Variants in HDAC4 observed in about 807,000 individuals in gnomAD.
The protein encoded by HDAC4 is histone deacetylase 4, also known as histone deacetylase A.
In HDAC4, 16 loss-of-function variants were observed where a neutral mutation model predicts 135.1. The observed-to-expected ratio is 0.12, with a 90% confidence interval of 0.08 to 0.18. The LOEUF is 0.18. Ranked by LOEUF, HDAC4 falls within the 10% of genes least tolerant of loss-of-function variation. The pLI is 1.00. For synonymous variants in HDAC4, 685 were observed against 653.4 expected, an observed-to-expected ratio of 1.05 and a Z score of -0.74; for missense variants, 1,143 against 1,511.8, an observed-to-expected ratio of 0.76 and a Z score of 4.05.
chr2:239,160,806 C>T (rs542997728), intron 6 of HDAC4, among the ~76,000 whole-genome samples: 25 of 152,368 alleles, frequency 1.6e-4, no homozygotes. Context: ...TGCTTGCTTT[C>T]ATGTCTTGGG....
chr2:239,127,852 G>A (rs1317197318), intron 11 of HDAC4, among the ~76,000 whole-genome samples: 2 of 152,228 alleles, frequency 1.3e-5, no homozygotes, highest in Admixed American at 1.3e-4. Flanking sequence ...CCAGGACACT[G>A]ATGCCAGGGC....
intron 3 of HDAC4, among the ~76,000 whole-genome samples, chr2:239,217,776 CA>C (rs1431358335): frequency 4.6e-5 from 7 of 152,122 alleles, no homozygotes; most frequent in African/African-American, 1.2e-4. Flanking sequence ...AAATAGGAAA[CA>C]AAACAAGAAG....
chr2:239,307,084 C>T lies in HDAC4; in HGVS notation c.22+45594G>A, dbSNP rs981431250. On this transcript the variant is annotated intron_variant, in intron 2 of 26. Transcript: ENST00000543185. The surrounding 1 kb of genome is among the most constrained non-coding windows in gnomAD (Gnocchi z 4.8). ...CTCTGGTGAGCCCAGAGGCCCGAGT[C>T]GTCCGGATGGCCCATCTCAGGCCAC... 1.3e-5 allele frequency among the ~76,000 whole-genome samples: 2 copies of T among 152,100 alleles called. No homozygotes were observed. The highest frequency in any genetic ancestry group is 3.9e-4 in the East Asian group (2 of 5,152).
intron 17 of HDAC4, chr2:239,094,776 C>A (rs927074019): frequency 4.2e-5 from 59 of 1,392,248 alleles, no homozygotes; most frequent in Non-Finnish European, 5.2e-5. Context: ...AGCCACTGCA[C>A]CCCAGAGCCC....
At chr2:239,273,237 C>G (rs1468161294) in intron 2 of HDAC4, among the ~76,000 whole-genome samples, 1 of 152,140 alleles carries the variant, frequency 6.6e-6, no homozygotes, top group East Asian at 1.9e-4. Context: ...GCCAACTCCA[C>G]AGGGCCTCGT....
intron 3 of HDAC4, among the ~76,000 whole-genome samples, chr2:239,190,372 G>A (rs964269683): frequency 3.9e-5 from 6 of 152,212 alleles, no homozygotes; most frequent in Admixed American, 1.3e-4. Context: ...CCGGGAGGCC[G>A]GCTCTCAGAG....
rs532250083 is a variant in HDAC4, at chr2:239,157,613, A to G, written c.612-840T>C. Among the ~76,000 whole-genome samples the G allele has an allele frequency of 4.5e-4, 69 of 152,320 alleles. No homozygotes were observed. In the South Asian group the frequency reaches 0.014, roughly 30 times the overall value. On this transcript the variant is annotated intron_variant, in intron 6 of 26. Transcript: ENST00000543185. ...CACTGACAGCTCAGTCTTGCTCAAA[A>G]CACTGTGCTGAGTGGAATAAATTCT...
At chr2:239,341,026 C>T (rs991336596) in intron 2 of HDAC4, among the ~76,000 whole-genome samples, 4 of 152,228 alleles carry the variant, frequency 2.6e-5, no homozygotes, top group Admixed American at 6.5e-5. Flanking sequence ...GCTTTCAACA[C>T]GTACAATGCA....
At position 239,245,154 on chromosome 2, in the gene HDAC4, C is replaced by T. The variant is rs1026137630; in HGVS notation, c.23-8490G>A. ...AGCAATATTTTTCCTTCAGGGTAAT[C>T]AGGCAGTCTTAAAATGTCAAGGATA... On this transcript the variant is annotated intron_variant, in intron 2 of 26. Coordinates refer to ENST00000543185, the MANE Select transcript of HDAC4 (RefSeq NM_001378414.1). This position sits in a 1 kb window ranked among gnomAD's most constrained non-coding sequence, Gnocchi z 4.4. Among the ~76,000 whole-genome samples the T allele has an allele frequency of 4.6e-5, 7 of 152,158 alleles. No homozygotes were observed. The highest frequency in any genetic ancestry group is 6.5e-5 in the Admixed American group (1 of 15,278).
chr2:239,288,155 T>G (rs75512196), intron 2 of HDAC4, among the ~76,000 whole-genome samples: 163 of 151,650 alleles, frequency 1.1e-3, no homozygotes, highest in African/African-American at 3.8e-3. Flanking sequence ...TAGCAAAGTA[T>G]GAAAATGACA....
intron 8 of HDAC4, among the ~76,000 whole-genome samples, chr2:239,142,512 G>A (rs2041452736): frequency 6.6e-6 from 1 of 152,246 alleles, no homozygotes; most frequent in Non-Finnish European, 1.5e-5. Flanking sequence ...GCCACCTTCT[G>A]CAGAGCTCTG....
At chr2:239,280,718 G>A (rs1174972257) in intron 2 of HDAC4, among the ~76,000 whole-genome samples, 1 of 152,068 alleles carries the variant, frequency 6.6e-6, no homozygotes, top group East Asian at 1.9e-4. Flanking sequence ...CTCCATCCAA[G>A]TCTTGTCCCC....
At chr2:239,102,134 G>A (rs1278625584) in intron 16 of HDAC4, among the ~76,000 whole-genome samples, 1 of 149,378 alleles carries the variant, frequency 6.7e-6, no homozygotes, top group Admixed American at 6.6e-5. Flanking sequence ...CCCCGGCCCG[G>A]GGTCTGGGTT....
At chr2:239,223,481 T>C (rs904509540) in intron 3 of HDAC4, among the ~76,000 whole-genome samples, 12 of 152,170 alleles carry the variant, frequency 7.9e-5, no homozygotes, top group Middle Eastern at 3.2e-3. Context: ...TGGTTCAGAC[T>C]TCTGTCCAGA....
intron 4 of HDAC4, among the ~76,000 whole-genome samples, chr2:239,179,642 G>A (rs897884944): frequency 1.3e-5 from 2 of 152,194 alleles, no homozygotes; most frequent in Non-Finnish European, 2.9e-5. Flanking sequence ...CAACAAATGC[G>A]CATCACTTCA....
rs1308087758 is a variant in HDAC4 at position 239,262,502 on chromosome 2, T to C, written c.23-25838A>G. ...CTTCTCAAATCACCCTTGCCTTGTT[T>C]GCCCAGGTCCGAGATGAGGTAATGC... On this transcript the variant is annotated intron_variant, in intron 2 of 26. Coordinates refer to ENST00000543185, the MANE Select transcript of HDAC4 (RefSeq NM_001378414.1). The surrounding 1 kb of genome is among the most constrained non-coding windows in gnomAD (Gnocchi z 4.1). Among the ~76,000 whole-genome samples, 2 of 152,224 alleles carry C rather than the reference T, an allele frequency of 1.3e-5. No homozygotes were observed. Among genetic ancestry groups the C allele is most frequent in the Admixed American group, 6.5e-5 (1 of 15,290 alleles).
chr2:239,079,339 G>T lies in HDAC4; in HGVS notation c.2750+1756C>A, dbSNP rs2035069859. Among the ~76,000 whole-genome samples, 3 of 152,352 alleles carry T rather than the reference G, an allele frequency of 2.0e-5. No individual in the cohort carries two copies. In the South Asian group the frequency reaches 6.2e-4, roughly 32 times the overall value. ...AGTGGTTCAGGTACAGATCAGGGCA[G>T]GTCCACTGAGGAGCAGATGAACTCC... On this transcript the variant is annotated intron_variant, in intron 22 of 26. Coordinates refer to ENST00000543185, the MANE Select transcript of HDAC4 (RefSeq NM_001378414.1).
At chr2:239,291,065 GCCCGGGAC>G (rs1398664049) in intron 2 of HDAC4, among the ~76,000 whole-genome samples, 2 of 152,242 alleles carry the variant, frequency 1.3e-5, no homozygotes, top group Admixed American at 1.3e-4. Context: ...GCTGGTGCGT[GCCCGGGAC>G]AGGGAGGACG....
At chr2:239,205,638 A>G (rs1434361701) in intron 3 of HDAC4, among the ~76,000 whole-genome samples, 1 of 152,142 alleles carries the variant, frequency 6.6e-6, no homozygotes, top group South Asian at 2.1e-4. Context: ...AGAGAAATCT[A>G]AACAGACTTC....
Sources: gnomAD v4.1 joint callset for allele counts (sites outside exome capture counted in the v4.1 genomes callset) on GRCh38, gnomAD v4.1.1 for gene constraint, Gnocchi (gnomAD v3.1) non-coding constraint, MANE v1.5 for transcripts, NCBI Gene and HGNC (gene_info 2026-07-23, HGNC 2026-07-21) for gene names.